Variants in PAM observed in about 807,000 individuals in gnomAD.
The protein encoded by PAM is peptidyl-glycine alpha-amidating monooxygenase.
A neutral mutation model predicts 122.1 loss-of-function variants in PAM; 72 were observed. The observed-to-expected ratio is 0.59, with a 90% CI of 0.49 to 0.72. PAM has a LOEUF of 0.72. Ranked by LOEUF, PAM falls within the 30% of genes least tolerant of loss-of-function variation. The pLI is 0.00. For missense variants in PAM, 1,106 were observed against 1,183.7 expected (o/e 0.93, Z 0.96); for synonymous variants, 389 against 404.4 (o/e 0.96, Z 0.46).
chr5:102,910,142 G>C (rs754689794), intron 4 of PAM, among the ~76,000 whole-genome samples: 47 of 151,844 alleles, frequency 3.1e-4, no homozygotes, highest in Non-Finnish European at 5.7e-4. Flanking sequence ...CCACTTAGAA[G>C]GGAAAAATGG....
intron 5 of PAM, among the ~76,000 whole-genome samples, chr5:102,924,498 A>C: frequency 6.6e-6 from 1 of 151,272 alleles, no homozygotes; most frequent in Admixed American, 6.6e-5. Flanking sequence ...CACCCCACTG[A>C]TGGTAGGCAC....
chr5:103,020,424 T>A (rs910511802), intron 23 of PAM, among the ~76,000 whole-genome samples: 17 of 152,072 alleles, frequency 1.1e-4, no homozygotes, highest in African/African-American at 3.9e-4. Flanking sequence ...AGGGGGAAAT[T>A]TACATACATA....
chr5:102,766,242 C>G (rs1753905164), intron 1 of PAM, among the ~76,000 whole-genome samples: 1 of 152,052 alleles, frequency 6.6e-6, no homozygotes, highest in African/African-American at 2.4e-5. Context: ...TATTATTATT[C>G]CATTGTAATA....
chr5:102,967,919 C>T (rs929994812), intron 14 of PAM, among the ~76,000 whole-genome samples: 4 of 152,070 alleles, frequency 2.6e-5, no homozygotes, highest in Non-Finnish European at 5.9e-5. Flanking sequence ...GATGGGGTTT[C>T]ACCTTGTTGG....
intron 1 of PAM, among the ~76,000 whole-genome samples, chr5:102,823,319 T>C (rs1009867997): frequency 6.6e-6 from 1 of 152,052 alleles, no homozygotes; most frequent in African/African-American, 2.4e-5. Flanking sequence ...TGAAATAGAG[T>C]CATAAGTTGC....
At chr5:102,888,369 A>G (rs1490419790) in intron 3 of PAM, among the ~76,000 whole-genome samples, 1 of 151,982 alleles carries the variant, frequency 6.6e-6, no homozygotes, top group African/African-American at 2.4e-5. Context: ...GACTGCACCT[A>G]TAATTTCATG....
chr5:102,791,803 CA>C, intron 1 of PAM, among the ~76,000 whole-genome samples: 1 of 152,072 alleles, frequency 6.6e-6, no homozygotes, highest in Non-Finnish European at 1.5e-5. Context: ...TTTAGTCTTA[CA>C]ATAGATAAAC....
chr5:102,877,948 A>G (rs1032240337), intron 3 of PAM, among the ~76,000 whole-genome samples: 2 of 151,912 alleles, frequency 1.3e-5, no homozygotes, highest in African/African-American at 4.8e-5. Flanking sequence ...GAGGCTCTTG[A>G]GCCCAGGGAG....
chr5:102,979,853 G>A (rs924445802), intron 15 of PAM, among the ~76,000 whole-genome samples: 5 of 151,760 alleles, frequency 3.3e-5, no homozygotes, highest in Non-Finnish European at 5.9e-5. Context: ...ATATGCGGCT[G>A]TACATTAACC....
At chr5:102,966,851 T>G (rs1321342709) in intron 14 of PAM, among the ~76,000 whole-genome samples, 2 of 152,024 alleles carry the variant, frequency 1.3e-5, no homozygotes, top group Non-Finnish European at 2.9e-5. Flanking sequence ...AAGAGCTGGG[T>G]TTTTTTAGGT....
At chr5:102,981,065 G>C (rs1251198759) in intron 15 of PAM, among the ~76,000 whole-genome samples, 3 of 152,038 alleles carry the variant, frequency 2.0e-5, no homozygotes, top group Non-Finnish European at 4.4e-5. Context: ...TCTAATATGT[G>C]ACAAATGAGT....
chr5:102,833,809 C>T (rs1776138861), intron 1 of PAM, among the ~76,000 whole-genome samples: 1 of 152,058 alleles, frequency 6.6e-6, no homozygotes, highest in Non-Finnish European at 1.5e-5. Context: ...ATTCCTTACC[C>T]CTGTCCCCAG....
intron 4 of PAM, among the ~76,000 whole-genome samples, chr5:102,902,981 C>T (rs1036831348): frequency 2.0e-4 from 31 of 151,294 alleles, no homozygotes; most frequent in African/African-American, 6.1e-4. Context: ...AATGTGTTTA[C>T]GTTCACATAA....
intron 17 of PAM, among the ~76,000 whole-genome samples, chr5:103,004,883 TATACC>T (rs1778487262): frequency 6.6e-6 from 1 of 152,238 alleles, no homozygotes; most frequent in African/African-American, 2.4e-5. Flanking sequence ...TTTTCTCTAA[TATACC>T]ATACTTTATA....
At chr5:102,964,004 AAAG>A (rs908122589) in intron 14 of PAM, among the ~76,000 whole-genome samples, 13 of 151,614 alleles carry the variant, frequency 8.6e-5, no homozygotes, top group African/African-American at 2.4e-4. Context: ...GATAGAAAAA[AAAG>A]AAGGAGGGGA....
chr5:102,962,998 A>T (rs1401667315), intron 14 of PAM, among the ~76,000 whole-genome samples: 1 of 151,828 alleles, frequency 6.6e-6, no homozygotes, highest in Non-Finnish European at 1.5e-5. Flanking sequence ...AACTAAAGGT[A>T]TTTAACTTGA....
At chr5:102,932,124 T>C (rs1053740707) in intron 7 of PAM, among the ~76,000 whole-genome samples, 2 of 152,204 alleles carry the variant, frequency 1.3e-5, no homozygotes, top group Non-Finnish European at 2.9e-5. Context: ...AATAGCCAAA[T>C]TTTCCAGAAT....
chr5:102,849,177 AC>A (rs954905263), intron 1 of PAM, among the ~76,000 whole-genome samples: 2 of 152,132 alleles, frequency 1.3e-5, no homozygotes, highest in Non-Finnish European at 2.9e-5. Flanking sequence ...ACCCCTATCC[AC>A]CCAAACACAA....
intron 13 of PAM, among the ~76,000 whole-genome samples, chr5:102,960,913 T>C (rs1325175309): frequency 6.9e-6 from 1 of 144,276 alleles, no homozygotes; most frequent in Non-Finnish European, 1.5e-5. Context: ...GTATCATTTA[T>C]ATATTATTGA....
Sources: allele counts gnomAD v4.1 joint callset (sites outside exome capture counted in the v4.1 genomes callset), GRCh38; gene constraint gnomAD v4.1.1; transcripts MANE v1.5; gene names NCBI Gene and HGNC (gene_info 2026-07-23, HGNC 2026-07-21).